Variants in CSMD1 observed in about 807,000 individuals in gnomAD.
CSMD1 encodes the protein CUB and Sushi multiple domains 1.
In CSMD1, 213 loss-of-function variants were observed where a neutral mutation model predicts 417.5. The observed-to-expected ratio is 0.51, with a 90% CI of 0.46 to 0.57. CSMD1 has a LOEUF of 0.57. CSMD1 is among the 20% of genes least tolerant of loss of function. CSMD1 has a pLI of 0.00. For synonymous variants in CSMD1, 2,862 were observed against 1,736.8 expected (o/e 1.65, Z -16.11); for missense variants, 6,923 against 4,529.7 (o/e 1.53, Z -15.17).
At chr8:4,221,051 C>A (rs767213733) in intron 3 of CSMD1, among the ~76,000 whole-genome samples, 30 of 152,040 alleles carry the variant, frequency 2.0e-4, no homozygotes, top group Non-Finnish European at 3.8e-4. Flanking sequence ...TTCCCATGAG[C>A]GAAAAACCCA....
At chr8:4,325,236 G>C (rs186716569) in intron 3 of CSMD1, among the ~76,000 whole-genome samples, 1 of 152,168 alleles carries the variant, frequency 6.6e-6, no homozygotes, top group Non-Finnish European at 1.5e-5. Flanking sequence ...CCTGAACCAG[G>C]AATGTGCGAC....
chr8:4,370,998 T>C (rs73175778), intron 3 of CSMD1, among the ~76,000 whole-genome samples: 3,048 of 152,338 alleles, frequency 0.02, 48 homozygotes, highest in Admixed American at 0.026. Flanking sequence ...GAAGACACAC[T>C]GACCTTTAGT....
chr8:3,195,410 C>A (rs1021715105), intron 33 of CSMD1, among the ~76,000 whole-genome samples: 3 of 152,178 alleles, frequency 2.0e-5, no homozygotes, highest in East Asian at 3.9e-4. Flanking sequence ...CAGGCCAAAG[C>A]AAAGTCTCTA....
At chr8:4,197,737 G>C (rs1224960926) in intron 3 of CSMD1, among the ~76,000 whole-genome samples, 1 of 152,120 alleles carries the variant, frequency 6.6e-6, no homozygotes, top group African/African-American at 2.4e-5. Context: ...AAATTAGCTG[G>C]GCATGGTGGT....
chr8:4,679,764 C>G (rs1317211206), intron 1 of CSMD1, among the ~76,000 whole-genome samples: 1 of 151,948 alleles, frequency 6.6e-6, no homozygotes, highest in Non-Finnish European at 1.5e-5. Flanking sequence ...TTAAATGAAG[C>G]TTTATGCTAA....
chr8:4,270,073 G>A (rs116576880), intron 3 of CSMD1, among the ~76,000 whole-genome samples: 2 of 152,158 alleles, frequency 1.3e-5, no homozygotes, highest in Admixed American at 1.3e-4. Context: ...AGCTTCTGAG[G>A]AGAGAAACAT....
intron 3 of CSMD1, among the ~76,000 whole-genome samples, chr8:4,203,463 T>G (rs1799785357): frequency 6.6e-6 from 1 of 152,216 alleles, no homozygotes; most frequent in South Asian, 2.1e-4. Flanking sequence ...GCTTTTCTTC[T>G]TTCTATAATG....
At chr8:3,487,389 G>A (rs936073375) in intron 11 of CSMD1, among the ~76,000 whole-genome samples, 6 of 152,018 alleles carry the variant, frequency 3.9e-5, no homozygotes, top group Non-Finnish European at 7.4e-5. Flanking sequence ...TTTTAGTAGA[G>A]ACAGGGTTTC....
intron 23 of CSMD1, among the ~76,000 whole-genome samples, chr8:3,323,539 A>G (rs1399505205): frequency 6.6e-6 from 1 of 151,774 alleles, no homozygotes; most frequent in African/African-American, 2.4e-5. Context: ...TAAAACCATC[A>G]AAAGAAAACT....
intron 12 of CSMD1, among the ~76,000 whole-genome samples, chr8:3,412,551 A>C (rs1231118059): frequency 6.6e-6 from 1 of 152,144 alleles, no homozygotes; most frequent in Non-Finnish European, 1.5e-5. Context: ...GAAGATGTTG[A>C]ATACATAGGA....
At chr8:4,597,454 T>C (rs1800349506) in intron 2 of CSMD1, among the ~76,000 whole-genome samples, 1 of 152,164 alleles carries the variant, frequency 6.6e-6, no homozygotes, top group African/African-American at 2.4e-5. Flanking sequence ...AACGAATGCT[T>C]TGAATTGAGT....
chr8:3,280,191 C>T (rs971687613), intron 26 of CSMD1, among the ~76,000 whole-genome samples: 6 of 150,078 alleles, frequency 4.0e-5, no homozygotes, highest in Non-Finnish European at 7.5e-5. Flanking sequence ...CCTCGAGAGC[C>T]ACAGAGTAGT....
rs113749575 is a variant in CSMD1 at position 4,758,688 on chromosome 8, T to G, written c.86-121130A>C. Among the ~76,000 whole-genome samples, 548 of 152,280 alleles carry G rather than the reference T, an allele frequency of 3.6e-3. 8 individuals are homozygous for G. The highest frequency in any genetic ancestry group is 0.013 in the African/African-American group (527 of 41,554). On this transcript the variant is annotated intron_variant, in intron 1 of 69. Coordinates refer to ENST00000635120, the MANE Select transcript of CSMD1 (RefSeq NM_033225.6). Reference sequence around the variant, plus strand: ...GGCAAAAGGAATAGTGGACACATCTTACATGGCAGCAGGTAAGATAAAGAG... The same window carrying G: ...GGCAAAAGGAATAGTGGACACATCTGACATGGCAGCAGGTAAGATAAAGAG...
chr8:3,122,894 A>C (rs1054097165), intron 41 of CSMD1, among the ~76,000 whole-genome samples: 13 of 152,122 alleles, frequency 8.5e-5, no homozygotes, highest in Non-Finnish European at 1.9e-4. Flanking sequence ...AGTGTTTCTC[A>C]GTTGTTTTTG....
intron 7 of CSMD1, among the ~76,000 whole-genome samples, chr8:3,625,982 C>T (rs190098814): frequency 4.7e-4 from 72 of 152,222 alleles, no homozygotes; most frequent in Non-Finnish European, 7.8e-4. Flanking sequence ...ATTTACTATA[C>T]ACATAAAATA....
intron 52 of CSMD1, among the ~76,000 whole-genome samples, chr8:3,010,405 CG>C (rs1808293487): frequency 6.6e-6 from 1 of 152,138 alleles, no homozygotes; most frequent in Admixed American, 6.5e-5. Context: ...TGCCCTAGAG[CG>C]GGTGTCAGAG....
chr8:3,994,938 C>G (rs1427480266), intron 5 of CSMD1, among the ~76,000 whole-genome samples: 9 of 152,138 alleles, frequency 5.9e-5, no homozygotes, highest in Non-Finnish European at 1.3e-4. Flanking sequence ...TATCTGCCCT[C>G]ACTCCACTCA....
chr8:4,814,422 T>C (rs1032776719), intron 1 of CSMD1, among the ~76,000 whole-genome samples: 2 of 152,204 alleles, frequency 1.3e-5, no homozygotes, highest in Non-Finnish European at 2.9e-5. Context: ...ATTTTTGTTA[T>C]TTTTAGTAGA....
chr8:3,098,204 T>C (rs1022479947), intron 46 of CSMD1, among the ~76,000 whole-genome samples: 2 of 152,226 alleles, frequency 1.3e-5, no homozygotes, highest in African/African-American at 2.4e-5. Context: ...TTAAGAGTTC[T>C]ATAGTTAATC....
Sources: allele counts gnomAD v4.1 joint callset (sites outside exome capture counted in the v4.1 genomes callset), GRCh38; gene constraint gnomAD v4.1.1; transcripts MANE v1.5; gene names NCBI Gene and HGNC (gene_info 2026-07-23, HGNC 2026-07-21).